TESC: variants seen among roughly 807,000 people sequenced by gnomAD.
TESC encodes calcineurin B homologous protein 3.
In TESC, 19 loss-of-function variants were observed where a neutral mutation model predicts 31.0. The ratio of observed to expected loss-of-function variants is 0.61; its 90% CI spans 0.43 to 0.90. The LOEUF is 0.90. Among genes scored for constraint, TESC ranks in the 40% least tolerant of loss-of-function variants. TESC has a pLI of 0.00. For synonymous variants in TESC, 109 were observed against 114.8 expected (o/e 0.95, Z 0.32); for missense variants, 248 against 303.8 (o/e 0.82, Z 1.36).
At chr12:117,090,426 C>G (rs1237063917) in intron 1 of TESC, among the ~76,000 whole-genome samples, 1 of 152,214 alleles carries the variant, frequency 6.6e-6, no homozygotes, top group Admixed American at 6.5e-5. Flanking sequence ...AAAGGAGATA[C>G]ATAGCCAGCT....
At chr12:117,058,414 T>C (rs1954759387) in intron 2 of TESC, among the ~76,000 whole-genome samples, 2 of 151,486 alleles carry the variant, frequency 1.3e-5, no homozygotes, top group African/African-American at 4.9e-5. Flanking sequence ...GTGTGCCAGC[T>C]GAGGGTACAG....
intron 4 of TESC, 197 bp downstream of exon 4, chr12:117,048,822 T>G: frequency 1.2e-6 from 1 of 817,588 alleles, no homozygotes; most frequent in Non-Finnish European, 2.0e-6. Context: ...TGCTGAGGAA[T>G]GTTTAGGATG....
chr12:117,068,973 C>G (rs1485159950), intron 2 of TESC, among the ~76,000 whole-genome samples: 1 of 152,234 alleles, frequency 6.6e-6, no homozygotes, highest in Non-Finnish European at 1.5e-5. Flanking sequence ...ATTTAAAATT[C>G]TGACCTTTTA....
intron 1 of TESC, among the ~76,000 whole-genome samples, chr12:117,089,923 T>C (rs527961121): frequency 1.3e-5 from 2 of 152,210 alleles, no homozygotes; most frequent in South Asian, 4.1e-4. Context: ...AGACATAGCA[T>C]GTACAAAACA....
chr12:117,097,642 C>T (rs1422182416), intron 1 of TESC, among the ~76,000 whole-genome samples: 4 of 152,082 alleles, frequency 2.6e-5, no homozygotes, highest in Non-Finnish European at 4.4e-5. Context: ...GATTGAAGTG[C>T]ATAAAACTTT....
chr12:117,096,122 G>T (rs904292835), intron 1 of TESC, among the ~76,000 whole-genome samples: 2 of 152,186 alleles, frequency 1.3e-5, no homozygotes, highest in South Asian at 4.1e-4. Context: ...GGGGAATTAT[G>T]TTCATTATCA....
At chr12:117,068,382 T>C (rs1954916336) in intron 2 of TESC, among the ~76,000 whole-genome samples, 2 of 152,044 alleles carry the variant, frequency 1.3e-5, no homozygotes, top group African/African-American at 2.4e-5. Context: ...ATACAAAAAT[T>C]AGCCAGGTGT....
chr12:117,087,504 G>C (rs1955233237), intron 1 of TESC, among the ~76,000 whole-genome samples: 1 of 152,146 alleles, frequency 6.6e-6, no homozygotes, highest in Non-Finnish European at 1.5e-5. Flanking sequence ...AGGGGAAGCT[G>C]GGACAGAGTG....
chr12:117,089,692 C>G (rs575878421), intron 1 of TESC, among the ~76,000 whole-genome samples: 2 of 151,828 alleles, frequency 1.3e-5, no homozygotes, highest in Non-Finnish European at 1.5e-5. Flanking sequence ...GAAGATGGAT[C>G]TAAGGAAATG....
chr12:117,099,276 C>T lies in TESC; in HGVS notation c.7G>A (p.Ala3Thr). 1 of 1,451,134 alleles carries T rather than the reference C, an allele frequency of 6.9e-7. No individual in the cohort carries two copies. Among genetic ancestry groups the T allele is most frequent in the Non-Finnish European group, 9.0e-7 (1 of 1,108,504 alleles). The allele number at this position is 1,451,134 out of a possible 1,614,324, so 89.9% of individuals were successfully genotyped here. A position where few individuals can be genotyped will look rare whatever the true frequency, so the allele number is the denominator to read the frequency against. The change falls in exon 1 of 8, where the codon GCT (alanine) becomes ACT (threonine). Residue 3 changes from alanine to threonine, a missense_variant. Coordinates refer to ENST00000335209, the MANE Select transcript of TESC (RefSeq NM_017899.4). Reference sequence around the variant, plus strand: ...ACCTCCTCAGACGCGGAGTGGGCAGCGCCCATGGTGCCCGCGGCGGGGGCC... The same window carrying T: ...ACCTCCTCAGACGCGGAGTGGGCAGTGCCCATGGTGCCCGCGGCGGGGGCC... MG[A>T]AHSASEEVRE...
At chr12:117,094,085 C>T (rs916095375) in intron 1 of TESC, among the ~76,000 whole-genome samples, 3 of 152,184 alleles carry the variant, frequency 2.0e-5, no homozygotes, top group African/African-American at 4.8e-5. Flanking sequence ...GCTGTCACCA[C>T]GGGTGCGTGG....
intron 1 of TESC, among the ~76,000 whole-genome samples, chr12:117,085,423 C>T (rs1350850387): frequency 6.6e-6 from 1 of 152,094 alleles, no homozygotes; most frequent in Non-Finnish European, 1.5e-5. Flanking sequence ...GTCGGGAAGG[C>T]AGAAGGTGGA....
intron 3 of TESC, among the ~76,000 whole-genome samples, chr12:117,053,031 C>A (rs11613556): frequency 0.14 from 21,606 of 152,136 alleles, 1,705 homozygotes; most frequent in Middle Eastern, 0.22. Context: ...GACCTCACCG[C>A]CCCTTCCTGC....
chr12:117,072,767 C>T (rs1463798001), intron 2 of TESC, among the ~76,000 whole-genome samples: 2 of 152,236 alleles, frequency 1.3e-5, no homozygotes, highest in Non-Finnish European at 2.9e-5. Context: ...AAGCACCTGG[C>T]GCAGAGCAGA....
chr12:117,066,373 A>T (rs1490635887), intron 2 of TESC, among the ~76,000 whole-genome samples: 2 of 129,636 alleles, frequency 1.5e-5, no homozygotes, highest in African/African-American at 3.0e-5. Context: ...TGAATGGCTA[A>T]TTTTTTTTTT....
intron 1 of TESC, among the ~76,000 whole-genome samples, chr12:117,079,457 G>T (rs1297089605): frequency 6.6e-6 from 1 of 152,096 alleles, no homozygotes; most frequent in Non-Finnish European, 1.5e-5. Flanking sequence ...AGCTACTTGG[G>T]AGGCTGAGGC....
At chr12:117,081,911 G>T (rs1955154032) in intron 1 of TESC, among the ~76,000 whole-genome samples, 3 of 149,904 alleles carry the variant, frequency 2.0e-5, no homozygotes, top group Admixed American at 6.7e-5. Context: ...GTCTCAAAAA[G>T]AAAAAAAAAG....
chr12:117,080,759 C>G (rs1416425822), intron 1 of TESC, among the ~76,000 whole-genome samples: 2 of 152,142 alleles, frequency 1.3e-5, no homozygotes, highest in Non-Finnish European at 1.5e-5. Flanking sequence ...GCCCCCCCAA[C>G]CCCTTCCCTG....
At position 117,099,398 on chromosome 12, in the gene TESC, G is replaced by T; in HGVS notation, c.-116C>A. The T allele has an allele frequency of 9.5e-7, 1 of 1,056,314 alleles. No homozygotes were observed. The highest frequency in any genetic ancestry group is 1.2e-6 in the Non-Finnish European group (1 of 818,248). The allele number at this position is 1,056,314 out of a possible 1,614,324, so 65.4% of individuals were successfully genotyped here. ...GCCTCGGGTCGGGACGCCGGCGAAG[G>T]CTCGGAGCCGCGGGTTCCGCGTGGG... On this transcript the variant is annotated 5_prime_UTR_variant, in exon 1 of 8. Transcript: ENST00000335209.
Sources: gnomAD v4.1 joint callset for allele counts (sites outside exome capture counted in the v4.1 genomes callset) on GRCh38, gnomAD v4.1.1 for gene constraint, MANE v1.5 for transcripts, NCBI Gene and HGNC (gene_info 2026-07-23, HGNC 2026-07-21) for gene names.